Variants in MYO18B observed in about 807,000 individuals in gnomAD.
MYO18B encodes the protein unconventional myosin-XVIIIb.
MYO18B carries 204 observed loss-of-function variants against 273.0 expected under a neutral mutation model. The observed-to-expected ratio is 0.75, with a 90% CI of 0.67 to 0.84. The LOEUF (loss-of-function observed/expected upper bound fraction) is 0.84, where lower values mean the gene tolerates loss of function less well. MYO18B is among the 40% of genes least tolerant of loss of function. The pLI is 0.00. For missense variants in MYO18B, 3,212 were observed against 3,287.6 expected (o/e 0.98, Z 0.56); for synonymous variants, 1,330 against 1,305.7 (o/e 1.02, Z -0.40).
intron 34 of MYO18B, among the ~76,000 whole-genome samples, chr22:25,938,873 A>G (rs1384501518): frequency 6.6e-6 from 1 of 152,220 alleles, no homozygotes; most frequent in Non-Finnish European, 1.5e-5. Flanking sequence ...GCTGGAGTGC[A>G]GTGGTGTGAT....
intron 16 of MYO18B, among the ~76,000 whole-genome samples, chr22:25,834,308 AC>A (rs1238698620): frequency 1.3e-5 from 2 of 151,372 alleles, no homozygotes; most frequent in Admixed American, 6.6e-5. Context: ...CACCACACCC[AC>A]CCTTAACAAC....
chr22:25,784,912 G>A (rs2087316337), intron 10 of MYO18B, among the ~76,000 whole-genome samples: 1 of 152,190 alleles, frequency 6.6e-6, no homozygotes, highest in South Asian at 2.1e-4. Context: ...GCGGAGTCTG[G>A]GCTCGAGGGG....
At chr22:25,760,438 A>T (rs918218078) in intron 1 of MYO18B, among the ~76,000 whole-genome samples, 11 of 144,444 alleles carry the variant, frequency 7.6e-5, no homozygotes, top group Non-Finnish European at 1.3e-4. Context: ...AAAAAAACAC[A>T]AAAACAAATA....
At chr22:26,061,145 A>T in the MYO18B span, among the ~76,000 whole-genome samples, 7 of 152,082 alleles carry the variant, frequency 4.6e-5, no homozygotes, top group African/African-American at 1.7e-4. Flanking sequence ...CTCCAGTAAC[A>T]CTGTCCTTTG....
intron 12 of MYO18B, among the ~76,000 whole-genome samples, chr22:25,821,899 G>T (rs1488010485): frequency 2.0e-5 from 3 of 152,188 alleles, no homozygotes; most frequent in African/African-American, 7.2e-5. Context: ...TTACCTAGCT[G>T]TGATGGTTAA....
intron 14 of MYO18B, among the ~76,000 whole-genome samples, chr22:25,826,738 T>G (rs993537115): frequency 1.3e-5 from 2 of 152,166 alleles, no homozygotes; most frequent in Non-Finnish European, 2.9e-5. Context: ...AGGACTGTTG[T>G]GAGGATTAAA....
intron 28 of MYO18B, chr22:25,897,368 C>G (rs932377426): frequency 2.0e-5 from 3 of 152,182 alleles, no homozygotes; most frequent in Non-Finnish European, 4.4e-5. Flanking sequence ...TCTTGATATC[C>G]TCTATGCTGA....
At chr22:25,855,825 CTT>C (rs59922626) in intron 21 of MYO18B, among the ~76,000 whole-genome samples, 21 of 141,696 alleles carry the variant, frequency 1.5e-4, no homozygotes, top group Admixed American at 1.4e-4. Context: ...TACTTTCTTT[CTT>C]TTTTTTTTTT....
Position 25,768,993 on chromosome 22 carries a change from C to T in MYO18B, c.1077C>T (p.Ser359=). 1 of 1,611,168 alleles carries T rather than the reference C, an allele frequency of 6.2e-7. No homozygotes were observed. The highest frequency in any genetic ancestry group is 1.1e-5 in the South Asian group (1 of 90,328). The change falls in exon 4 of 44, where the codon AGC becomes AGT. Residue 359 remains serine, a synonymous_variant. Coordinates refer to ENST00000335473, the MANE Select transcript of MYO18B (RefSeq NM_032608.7). ...CTCAGACCCAGATGGAGAAGACAAG[C>T]CAAGTGCAGGGCGAGTTGGGGGACG... ...GEPQTQMEKT[S]QVQGELGDDL... is the part of the protein sequence containing the mutation.
intron 2 of MYO18B, among the ~76,000 whole-genome samples, chr22:25,762,091 G>A (rs1293294149): frequency 1.3e-5 from 2 of 151,046 alleles, no homozygotes; most frequent in South Asian, 2.1e-4. Context: ...GCGACAGTGC[G>A]AGACTCCGTC....
chr22:25,789,337 A>C (rs962639819), intron 11 of MYO18B, among the ~76,000 whole-genome samples: 16 of 147,546 alleles, frequency 1.1e-4, no homozygotes, highest in East Asian at 2.0e-4. Flanking sequence ...TAAAAAAAAA[A>C]CAAAAAACTA....
intron 40 of MYO18B, among the ~76,000 whole-genome samples, chr22:25,997,976 C>G (rs1476296163): frequency 2.1e-4 from 25 of 121,272 alleles, no homozygotes; most frequent in African/African-American, 7.1e-4. Flanking sequence ...CACACACACA[C>G]ACGAGAGAGA....
At chr22:25,805,463 A>G (rs1213883706) in intron 12 of MYO18B, among the ~76,000 whole-genome samples, 1 of 152,132 alleles carries the variant, frequency 6.6e-6, no homozygotes, top group East Asian at 1.9e-4. Flanking sequence ...GGAGCCCTAG[A>G]GCTCTCTCCA....
intron 39 of MYO18B, among the ~76,000 whole-genome samples, chr22:25,960,082 T>C (rs1393230001): frequency 1.4e-4 from 22 of 152,134 alleles, no homozygotes; most frequent in Admixed American, 1.1e-3. Flanking sequence ...CCCAGCTGAC[T>C]CTCTGGCACA....
Position 25,770,153 on chromosome 22 carries a change from C to T in MYO18B, c.1556C>T (p.Ala519Val), listed in dbSNP as rs2086666687. 6.2e-7 allele frequency: 1 copy of T among 1,613,928 alleles called. No individual in the cohort carries two copies. Among genetic ancestry groups the T allele is most frequent in the Non-Finnish European group, 8.5e-7 (1 of 1,179,866 alleles). The stretch of plus-strand genomic sequence containing the variant: ...TATGAGGCAGAGAAAGTCTGGCTGG[C>T]TCAGAAGGATGGATTTACTCTTGGT... ...RWYEAEKVWL[A>V]QKDGFTLATV... The change falls in exon 5 of 44, where the codon GCT becomes GTT. Residue 519 changes from alanine to valine, a missense_variant. Physicochemically the swap from Ala to Val is moderately conservative, Grantham distance 64 (BLOSUM62 0). Coordinates refer to ENST00000335473, the MANE Select transcript of MYO18B (RefSeq NM_032608.7).
chr22:25,953,871 G>T (rs1450130482), intron 38 of MYO18B, among the ~76,000 whole-genome samples: 2 of 152,016 alleles, frequency 1.3e-5, no homozygotes, highest in Non-Finnish European at 2.9e-5. Context: ...GTGTAGAGAT[G>T]GGGTACCTCA....
intron 12 of MYO18B, among the ~76,000 whole-genome samples, chr22:25,808,314 G>T (rs1308076004): frequency 1.3e-5 from 2 of 152,158 alleles, no homozygotes; most frequent in East Asian, 1.9e-4. Context: ...CCAGGCTGGG[G>T]ATCACTTTGC....
intron 34 of MYO18B, among the ~76,000 whole-genome samples, chr22:25,925,447 T>C (rs1292421397): frequency 1.3e-5 from 2 of 152,146 alleles, no homozygotes; most frequent in Non-Finnish European, 2.9e-5. Flanking sequence ...ATTTTAAAAT[T>C]AGTTAATTTT....
chr22:25,832,941 C>T lies in MYO18B; in HGVS notation c.3004C>T (p.Leu1002Phe), dbSNP rs1195369011. ...QEEGVPVQFD[L>F]PDPSPGTTVA... is the part of the protein sequence containing the mutation. ...GGAAGGTGTTCCTGTGCAGTTTGAC[C>T]TCCCGGACCCCTCCCCAGGGACCAC... The change falls in exon 16 of 44, where the codon CTC becomes TTC. Residue 1002 changes from leucine to phenylalanine, a missense_variant. By Grantham distance (22) the Leu-to-Phe change is conservative. Transcript: ENST00000335473. 1 of 1,613,830 alleles carries T rather than the reference C, an allele frequency of 6.2e-7. No homozygotes were observed. The highest frequency in any genetic ancestry group is 8.5e-7 in the Non-Finnish European group (1 of 1,179,848).
Sources: allele counts gnomAD v4.1 joint callset (sites outside exome capture counted in the v4.1 genomes callset), GRCh38; gene constraint gnomAD v4.1.1; transcripts MANE v1.5; gene names NCBI Gene and HGNC (gene_info 2026-07-23, HGNC 2026-07-21).